The following PHF20 variants were observed in gnomAD, a reference collection of about 807,000 sequenced individuals.
PHF20 encodes the protein PHD finger protein 20.
A neutral mutation model predicts 113.5 loss-of-function variants in PHF20; 23 were observed. The observed-to-expected ratio is 0.20, with a 90% CI of 0.15 to 0.29. The LOEUF (loss-of-function observed/expected upper bound fraction) is 0.29, where lower values mean the gene tolerates loss of function less well. Ranked by LOEUF, PHF20 falls within the 10% of genes least tolerant of loss-of-function variation. PHF20 has a pLI of 1.00. For synonymous variants in PHF20, 434 were observed against 457.3 expected (o/e 0.95, Z 0.65); for missense variants, 943 against 1,219.6 (o/e 0.77, Z 3.38).
At chr20:35,878,894 C>T (rs1218960607) in intron 9 of PHF20, among the ~76,000 whole-genome samples, 4 of 152,118 alleles carry the variant, frequency 2.6e-5, no homozygotes, top group East Asian at 3.8e-4. Flanking sequence ...GCTTGATTTG[C>T]CTGTTGACTG....
chr20:35,864,455 T>C (rs1423669090), intron 6 of PHF20, among the ~76,000 whole-genome samples: 2 of 133,866 alleles, frequency 1.5e-5, no homozygotes, highest in Admixed American at 7.4e-5. Flanking sequence ...CACACACAAA[T>C]ATTTTCATCA....
Position 35,847,397 on chromosome 20 carries a change from T to C in PHF20, c.303T>C (p.Arg101=). The C allele has an allele frequency of 6.2e-7, 1 of 1,612,758 alleles. No individual in the cohort carries two copies. The highest frequency in any genetic ancestry group is 1.3e-5 in the African/African-American group (1 of 74,888). Residue 101 remains arginine, a synonymous_variant, in exon 4 of 18, where the codon CGT becomes CGC. Coordinates refer to ENST00000374012, the MANE Select transcript of PHF20 (RefSeq NM_016436.5). ...EQVLACWSDC[R]FYPAKVTAVN... ...TCCTTGCTTGCTGGTCTGATTGTCG[T>C]TTTTACCCGGCCAAAGTCACTGCTG...
intron 2 of PHF20, among the ~76,000 whole-genome samples, chr20:35,833,927 G>A (rs112280033): frequency 0.011 from 1,618 of 151,914 alleles, 32 homozygotes; most frequent in African/African-American, 0.037. Context: ...GCATGGTGGC[G>A]CACACCTGTA....
intron 1 of PHF20, among the ~76,000 whole-genome samples, chr20:35,795,382 G>A (rs1244255568): frequency 1.3e-5 from 2 of 151,772 alleles, no homozygotes; most frequent in Admixed American, 6.6e-5. Context: ...TTATAGGTGT[G>A]TGCCATGATG....
chr20:35,874,716 T>C (rs1291315026), intron 9 of PHF20, among the ~76,000 whole-genome samples: 1 of 152,168 alleles, frequency 6.6e-6, no homozygotes, highest in East Asian at 1.9e-4. Flanking sequence ...TATAGAATTG[T>C]CTACTTTTTA....
chr20:35,855,258 T>G (rs1350942576), intron 4 of PHF20: 2 of 1,338,014 alleles, frequency 1.5e-6, no homozygotes, highest in Admixed American at 3.9e-5. Context: ...CCTGACAATA[T>G]AGGCAGGTAA....
rs1335493119 is a variant in PHF20 at position 35,783,910 on chromosome 20, A to T, written c.-33+11831A>T. Among the ~76,000 whole-genome samples the T allele has an allele frequency of 3.3e-5, 5 of 150,066 alleles. No homozygotes were observed. The East Asian group carries it at 1.0e-3, about 32-fold the overall frequency. ...TGAGGCAGGAGAATCGCTTGAACCC[A>T]GGAGGCGGAGGTTGTGGTGAGCCGA... is the stretch of plus-strand genomic sequence containing the variant. On this transcript the variant is annotated intron_variant, in intron 1 of 17. Transcript: ENST00000374012.
At chr20:35,892,325 T>C (rs1313256928) in intron 9 of PHF20, among the ~76,000 whole-genome samples, 1 of 150,174 alleles carries the variant, frequency 6.7e-6, no homozygotes, top group Non-Finnish European at 1.5e-5. Flanking sequence ...TCTGCCCACC[T>C]TGGCCTCCCA....
chr20:35,774,028 C>G (rs1456906988), intron 1 of PHF20, among the ~76,000 whole-genome samples: 1 of 151,526 alleles, frequency 6.6e-6, no homozygotes, highest in Non-Finnish European at 1.5e-5. Flanking sequence ...GTTCTTGTCC[C>G]TGGGGTGTCG....
intron 2 of PHF20, among the ~76,000 whole-genome samples, chr20:35,819,648 CTGTG>C (rs57252834): frequency 0.056 from 8,340 of 148,020 alleles, 301 homozygotes; most frequent in African/African-American, 0.12. Context: ...CTTACACCAT[CTGTG>C]TGTGTGTGTG....
chr20:35,857,562 C>CTTTTTTTTTTTTTGTTT (rs2042855214), intron 4 of PHF20, among the ~76,000 whole-genome samples: 1 of 99,674 alleles, frequency 1.0e-5, no homozygotes, highest in African/African-American at 3.7e-5. Flanking sequence ...AATGATGTTC[C>CTTTTTTTTTTTTTGTTT]TTTTTTTTTT....
intron 13 of PHF20, among the ~76,000 whole-genome samples, chr20:35,918,940 C>A (rs886840250): frequency 2.6e-5 from 4 of 152,300 alleles, no homozygotes; most frequent in South Asian, 4.1e-4. Context: ...AGGCCCAGCC[C>A]CTTTGGCTTG....
chr20:35,924,192 CT>C (rs767943006), intron 13 of PHF20, among the ~76,000 whole-genome samples: 147 of 129,872 alleles, frequency 1.1e-3, no homozygotes, highest in East Asian at 2.8e-3. Flanking sequence ...CTTTTCTTTT[CT>C]TTTTTTTTTT....
chr20:35,873,463 TTTG>T lies in PHF20; in HGVS notation c.1282+1637_1282+1639del, dbSNP rs1191652618. 5.3e-3 allele frequency among the ~76,000 whole-genome samples: 721 copies of T among 136,960 alleles called. 10 individuals are homozygous for T. Among genetic ancestry groups the T allele is most frequent in the African/African-American group, 0.018 (638 of 34,498 alleles). The allele number at this position is 136,960 out of a possible 152,430, so 89.9% of individuals were successfully genotyped here. On this transcript the variant is annotated intron_variant, in intron 9 of 17. Transcript: ENST00000374012. ...CATTTGGCTGTGTTTTGTCTGTTTT[TTTG>T]TTTTTTTTTTTTTTTTTTTTAAGAC...
intron 2 of PHF20, among the ~76,000 whole-genome samples, chr20:35,841,698 A>C (rs1054412030): frequency 1.3e-5 from 2 of 152,038 alleles, no homozygotes; most frequent in African/African-American, 4.8e-5. Context: ...TGAATCAGGG[A>C]GGTGGAGGTT....
intron 1 of PHF20, among the ~76,000 whole-genome samples, chr20:35,790,922 G>A (rs896548185): frequency 6.6e-6 from 1 of 152,014 alleles, no homozygotes; most frequent in Non-Finnish European, 1.5e-5. Flanking sequence ...GCAGTGGCGC[G>A]ATCTTGGCTC....
chr20:35,827,925 G>A (rs2042292203), intron 2 of PHF20, among the ~76,000 whole-genome samples: 1 of 152,064 alleles, frequency 6.6e-6, no homozygotes, highest in Non-Finnish European at 1.5e-5. Flanking sequence ...TAATAATAAT[G>A]ACTCCTTAAG....
chr20:35,816,968 T>G (rs2042087094), intron 2 of PHF20, among the ~76,000 whole-genome samples: 2 of 151,190 alleles, frequency 1.3e-5, no homozygotes, highest in South Asian at 2.1e-4. Flanking sequence ...TTTTTTGTAT[T>G]TTTAGTAGAG....
At chr20:35,835,402 A>C (rs1322983141) in intron 2 of PHF20, among the ~76,000 whole-genome samples, 1 of 152,212 alleles carries the variant, frequency 6.6e-6, no homozygotes, top group Non-Finnish European at 1.5e-5. Flanking sequence ...GAAATAAAGC[A>C]TTTTAGTTTG....
Sources: allele counts gnomAD v4.1 joint callset (sites outside exome capture counted in the v4.1 genomes callset), GRCh38; gene constraint gnomAD v4.1.1; transcripts MANE v1.5; gene names NCBI Gene and HGNC (gene_info 2026-07-23, HGNC 2026-07-21).